Variants in CAMK4 observed in about 807,000 individuals in gnomAD.
CAMK4 encodes the protein calcium/calmodulin dependent protein kinase IV.
In CAMK4, 22 loss-of-function variants were observed where a neutral mutation model predicts 44.9. The observed-to-expected ratio is 0.49, with a 90% confidence interval of 0.35 to 0.70. The LOEUF (loss-of-function observed/expected upper bound fraction) is 0.70, where lower values mean the gene tolerates loss of function less well. CAMK4 is among the 30% of genes least tolerant of loss of function. The probability of loss-of-function intolerance (pLI) is 0.01; values close to 1 mark genes in which losing one functional copy is unlikely to be tolerated. For synonymous variants in CAMK4, 218 were observed against 215.4 expected, an observed-to-expected ratio of 1.01 and a Z score of -0.11; for missense variants, 498 against 586.8, an observed-to-expected ratio of 0.85 and a Z score of 1.56.
chr5:111,262,275 C>T (rs1425258953), intron 1 of CAMK4, among the ~76,000 whole-genome samples: 5 of 151,304 alleles, frequency 3.3e-5, no homozygotes. Context: ...TTTCTAAGCA[C>T]TGGGGTGAGC....
intron 1 of CAMK4, among the ~76,000 whole-genome samples, chr5:111,272,113 G>T (rs1221805266): frequency 6.6e-6 from 1 of 151,880 alleles, no homozygotes; most frequent in Non-Finnish European, 1.5e-5. Context: ...GTGTTTGTGT[G>T]TGTGTTTGTG....
At chr5:111,431,896 T>C (rs1372845744) in intron 5 of CAMK4, among the ~76,000 whole-genome samples, 2 of 152,150 alleles carry the variant, frequency 1.3e-5, no homozygotes, top group Non-Finnish European at 2.9e-5. Flanking sequence ...AAGGGAACCC[T>C]TGTACAACGT....
intron 1 of CAMK4, among the ~76,000 whole-genome samples, chr5:111,231,417 A>G (rs374299160): frequency 4.6e-5 from 7 of 152,324 alleles, no homozygotes; most frequent in Admixed American, 3.9e-4. Flanking sequence ...TCTACCTACT[A>G]GCTGCCAGTA....
intron 1 of CAMK4, among the ~76,000 whole-genome samples, chr5:111,336,474 A>T (rs1749407907): frequency 8.9e-6 from 1 of 112,748 alleles, no homozygotes; most frequent in Non-Finnish European, 1.8e-5. Flanking sequence ...AATTAATAAT[A>T]TAGGTTATTT....
At chr5:111,421,007 G>T (rs1016996367) in intron 5 of CAMK4, among the ~76,000 whole-genome samples, 6 of 152,120 alleles carry the variant, frequency 3.9e-5, no homozygotes, top group South Asian at 2.1e-4. Flanking sequence ...AAATCACAAG[G>T]GTATTGATTG....
chr5:111,254,851 T>G (rs1159358175), intron 1 of CAMK4, among the ~76,000 whole-genome samples: 2 of 152,134 alleles, frequency 1.3e-5, no homozygotes, highest in African/African-American at 4.8e-5. Context: ...TGCAGTCAGG[T>G]TCTCGGGATT....
At position 111,313,113 on chromosome 5, in the gene CAMK4, A is replaced by G. The variant is rs57740198; in HGVS notation, c.162-30911A>G. Among the ~76,000 whole-genome samples, 307 of 152,254 alleles carry G rather than the reference A, an allele frequency of 2.0e-3. 1 individual carries two copies. The highest frequency in any genetic ancestry group is 7.0e-3 in the African/African-American group (290 of 41,568). ...ACTTAAGCCAGGGTTTCTCAAACTC[A>G]GCACTGCTCGCATTTTGGAGCAATA... On this transcript the variant is annotated intron_variant, in intron 1 of 10. Transcript: ENST00000282356.
intron 2 of CAMK4, among the ~76,000 whole-genome samples, chr5:111,370,999 C>G (rs983764657): frequency 1.3e-5 from 2 of 152,190 alleles, no homozygotes; most frequent in South Asian, 2.1e-4. Context: ...TGCCATTTGA[C>G]TGTTCTAGTA....
rs375971595 is a variant in CAMK4, at chr5:111,387,525, G to A, written c.387-7185G>A. Among the ~76,000 whole-genome samples the A allele has an allele frequency of 7.0e-4, 107 of 152,232 alleles. 3 individuals are homozygous for A. In the South Asian group the frequency reaches 0.018, roughly 26 times the overall value. On this transcript the variant is annotated intron_variant, in intron 4 of 10. Coordinates refer to ENST00000282356, the MANE Select transcript of CAMK4 (RefSeq NM_001744.6). ...CAGTAATCTTTTCACTTATTGCATTGTCCTCTGGGAAGCATCCACACAGCT... is the reference window on the plus strand; with the variant it reads ...CAGTAATCTTTTCACTTATTGCATTATCCTCTGGGAAGCATCCACACAGCT...
chr5:111,412,215 A>T (rs1485989370), intron 5 of CAMK4, among the ~76,000 whole-genome samples: 1 of 152,174 alleles, frequency 6.6e-6, no homozygotes, highest in Non-Finnish European at 1.5e-5. Context: ...CACTAATAAG[A>T]AAGTCGATAG....
In CAMK4 at chr5:111,261,561, GTT is replaced by G. The variant is rs34043708; in HGVS notation, c.161+36931_161+36932del. On this transcript the variant is annotated intron_variant, in intron 1 of 10. Coordinates refer to ENST00000282356, the MANE Select transcript of CAMK4 (RefSeq NM_001744.6). ...ATAGTTTCCTTCTCTGACCCTAATAGTTTTTTTTTTTTTTTCCAGGTCACCAC... is the reference window on the plus strand; with the variant it reads ...ATAGTTTCCTTCTCTGACCCTAATAGTTTTTTTTTTTTTCCAGGTCACCAC... Among the ~76,000 whole-genome samples, 127 of 143,108 alleles carry G rather than the reference GTT, an allele frequency of 8.9e-4. 1 individual carries two copies. The highest frequency in any genetic ancestry group is 5.1e-3 in the South Asian group (23 of 4,492). The allele number at this position is 143,108 out of a possible 152,430, so 93.9% of individuals were successfully genotyped here. A position where few individuals can be genotyped will look rare whatever the true frequency, so the allele number is the denominator to read the frequency against.
At position 111,337,990 on chromosome 5, in the gene CAMK4, G is replaced by C. The variant is rs79866260; in HGVS notation, c.162-6034G>C. ...TAATCAGCTTTCACAATGTGTAGTT[G>C]CATCTTCATGTGATTTTAGTTTCCA... On this transcript the variant is annotated intron_variant, in intron 1 of 10. Coordinates refer to ENST00000282356, the MANE Select transcript of CAMK4 (RefSeq NM_001744.6). Among the ~76,000 whole-genome samples the C allele has an allele frequency of 7.8e-4, 118 of 151,288 alleles. 2 individuals are homozygous for C. The East Asian group carries it at 0.022, about 29-fold the overall frequency.
intron 1 of CAMK4, among the ~76,000 whole-genome samples, chr5:111,338,761 G>T (rs946988651): frequency 6.6e-6 from 1 of 151,410 alleles, no homozygotes; most frequent in Admixed American, 6.6e-5. Flanking sequence ...TTGAAGATCC[G>T]ATGGCTGTAG....
chr5:111,471,138 G>A (rs1057040614), intron 7 of CAMK4, among the ~76,000 whole-genome samples: 5 of 152,150 alleles, frequency 3.3e-5, no homozygotes, highest in Admixed American at 2.0e-4. Context: ...AATCCCACTT[G>A]TTTAAAATTT....
chr5:111,442,076 C>A (rs1019069939), intron 5 of CAMK4, among the ~76,000 whole-genome samples: 4 of 152,106 alleles, frequency 2.6e-5, no homozygotes, highest in Non-Finnish European at 4.4e-5. Flanking sequence ...TTAAATTGAT[C>A]TTTTTATGTC....
chr5:111,315,372 T>G (rs1025472233), intron 1 of CAMK4, among the ~76,000 whole-genome samples: 3 of 152,130 alleles, frequency 2.0e-5, no homozygotes, highest in Non-Finnish European at 4.4e-5. Context: ...AATACTAACA[T>G]TGTAGGTGGT....
At chr5:111,322,337 CAG>C (rs1748698085) in intron 1 of CAMK4, among the ~76,000 whole-genome samples, 1 of 152,016 alleles carries the variant, frequency 6.6e-6, no homozygotes, top group Non-Finnish European at 1.5e-5. Flanking sequence ...CTGATCACCT[CAG>C]ATATTTATTT....
chr5:111,260,961 A>G (rs1026975229), intron 1 of CAMK4, among the ~76,000 whole-genome samples: 3 of 152,168 alleles, frequency 2.0e-5, no homozygotes, highest in African/African-American at 7.2e-5. Flanking sequence ...CATAGTTCTT[A>G]AGACAGTTTA....
chr5:111,443,275 TATATACACACACACACAC>T (rs1179014318), intron 5 of CAMK4, among the ~76,000 whole-genome samples: 6 of 47,148 alleles, frequency 1.3e-4, no homozygotes, highest in East Asian at 8.4e-4. Context: ...TATATATATA[TATATACACACACACACAC>T]ACACACACAC....
Sources: allele counts gnomAD v4.1 joint callset (sites outside exome capture counted in the v4.1 genomes callset), GRCh38; gene constraint gnomAD v4.1.1; transcripts MANE v1.5; gene names NCBI Gene and HGNC (gene_info 2026-07-23, HGNC 2026-07-21).